Variants in LSAMP observed in about 807,000 individuals in gnomAD.
The protein encoded by LSAMP is limbic system associated membrane protein.
LSAMP carries 7 observed loss-of-function variants against 38.6 expected under a neutral mutation model. The observed-to-expected ratio is 0.18, with a 90% CI of 0.10 to 0.34. The LOEUF (loss-of-function observed/expected upper bound fraction) is 0.34. Ranked by LOEUF, LSAMP falls within the 10% of genes least tolerant of loss-of-function variation. The pLI, the probability that LSAMP is intolerant of heterozygous loss-of-function variation, is 1.00. For synonymous variants in LSAMP, 154 were observed against 166.8 expected, an observed-to-expected ratio of 0.92 and a Z score of 0.59; for missense variants, 313 against 420.0, an observed-to-expected ratio of 0.75 and a Z score of 2.23.
In LSAMP at chr3:116,286,585, C is replaced by T. The variant is rs185221037; in HGVS notation, c.155+158292G>A. Among the ~76,000 whole-genome samples the T allele has an allele frequency of 7.3e-4, 111 of 152,236 alleles. 1 individual carries two copies. The East Asian group carries it at 0.01, about 14-fold the overall frequency. On this transcript the variant is annotated intron_variant, in intron 1 of 6. Coordinates refer to ENST00000490035, the MANE Select transcript of LSAMP (RefSeq NM_002338.5). ...TTCTCTTCCTCTAACTCACCCTCCT[C>T]CAGCTTTTTATCCCTTTCATTTTTT...
chr3:116,320,345 G>A (rs1357249142), intron 1 of LSAMP, among the ~76,000 whole-genome samples: 1 of 152,066 alleles, frequency 6.6e-6, no homozygotes, highest in Non-Finnish European at 1.5e-5. Flanking sequence ...TCAAGGAGGC[G>A]TAGGTTGCAG....
intron 1 of LSAMP, among the ~76,000 whole-genome samples, chr3:116,198,538 GGCTGGCGGATCAC>G (rs2045941462): frequency 6.6e-6 from 1 of 152,080 alleles, no homozygotes; most frequent in Non-Finnish European, 1.5e-5. Context: ...GGGAGGCCGA[GGCTGGCGGATCAC>G]GAGGCCAGGA....
chr3:115,981,278 C>A (rs919151567), intron 3 of LSAMP, among the ~76,000 whole-genome samples: 1 of 152,114 alleles, frequency 6.6e-6, no homozygotes, highest in Non-Finnish European at 1.5e-5. Context: ...ACCCACTACA[C>A]CTTTATAGTA....
intron 1 of LSAMP, among the ~76,000 whole-genome samples, chr3:116,092,222 A>T (rs569733962): frequency 6.6e-6 from 1 of 152,366 alleles, no homozygotes; most frequent in Admixed American, 6.5e-5. Context: ...AAGATGGATA[A>T]CTATTTTAAT....
At chr3:115,926,978 T>G (rs960648152) in intron 3 of LSAMP, among the ~76,000 whole-genome samples, 3 of 152,212 alleles carry the variant, frequency 2.0e-5, no homozygotes, top group African/African-American at 7.2e-5. Context: ...CGCTGCATAT[T>G]CAGTGTTTAG....
intron 1 of LSAMP, among the ~76,000 whole-genome samples, chr3:116,264,480 G>A (rs1187507179): frequency 6.6e-6 from 1 of 152,134 alleles, no homozygotes; most frequent in Non-Finnish European, 1.5e-5. Flanking sequence ...CAGACTCTCT[G>A]AGAGGCTCAT....
chr3:116,006,591 C>T (rs1313478440), intron 3 of LSAMP, among the ~76,000 whole-genome samples: 2 of 152,156 alleles, frequency 1.3e-5, no homozygotes, highest in Non-Finnish European at 2.9e-5. Context: ...ATGTTTATCT[C>T]TGGTCTCTTC....
rs376271619 is a variant in LSAMP, at chr3:115,920,661, T to C, written c.515-68044A>G. ...CATGTGCACTTGAAAAGAATGTGTA[T>C]TCTGTTGCTGTTGGGTGGGGTATTC... On this transcript the variant is annotated intron_variant, in intron 3 of 6. Coordinates refer to ENST00000490035, the MANE Select transcript of LSAMP (RefSeq NM_002338.5). 1.6e-4 allele frequency among the ~76,000 whole-genome samples: 24 copies of C among 152,284 alleles called. No homozygotes were observed. The East Asian group carries it at 3.1e-3, about 20-fold the overall frequency.
At chr3:116,030,873 C>G (rs1259001370) in intron 2 of LSAMP, among the ~76,000 whole-genome samples, 1 of 152,062 alleles carries the variant, frequency 6.6e-6, no homozygotes, top group Admixed American at 6.6e-5. Flanking sequence ...TGGCATCTAC[C>G]AGAAATCCAC....
intron 2 of LSAMP, among the ~76,000 whole-genome samples, chr3:116,047,047 A>G (rs1013545980): frequency 4.6e-5 from 7 of 152,198 alleles, no homozygotes; most frequent in Non-Finnish European, 1.0e-4. Flanking sequence ...CCATGCTCAG[A>G]TACTTAACTG....
At chr3:116,401,931 G>T (rs1175123529) in intron 1 of LSAMP, among the ~76,000 whole-genome samples, 1 of 152,072 alleles carries the variant, frequency 6.6e-6, no homozygotes, top group Non-Finnish European at 1.5e-5. Context: ...TACACTAGTA[G>T]GTAGTATTGG....
intron 1 of LSAMP, among the ~76,000 whole-genome samples, chr3:116,431,159 G>T (rs2049275554): frequency 6.6e-6 from 1 of 151,614 alleles, no homozygotes; most frequent in South Asian, 2.1e-4. Context: ...GAGAGAGAAT[G>T]AGAGAGACCT....
At chr3:116,198,343 C>T (rs1282751215) in intron 1 of LSAMP, among the ~76,000 whole-genome samples, 1 of 152,060 alleles carries the variant, frequency 6.6e-6, no homozygotes, top group Non-Finnish European at 1.5e-5. Flanking sequence ...CCTCAAAATG[C>T]CTCCACAGTT....
At chr3:116,156,003 T>C (rs1389132910) in intron 1 of LSAMP, among the ~76,000 whole-genome samples, 1 of 152,162 alleles carries the variant, frequency 6.6e-6, no homozygotes, top group Non-Finnish European at 1.5e-5. Flanking sequence ...GGCAGGGCTC[T>C]GTAATGTGAT....
intron 1 of LSAMP, among the ~76,000 whole-genome samples, chr3:116,136,814 A>G (rs1195829970): frequency 6.6e-6 from 1 of 152,138 alleles, no homozygotes; most frequent in Non-Finnish European, 1.5e-5. Context: ...GGTACCAAGT[A>G]AGAATATCAT....
At chr3:115,890,183 C>T (rs781599657) in intron 3 of LSAMP, among the ~76,000 whole-genome samples, 21 of 152,042 alleles carry the variant, frequency 1.4e-4, no homozygotes, top group African/African-American at 3.1e-4. Flanking sequence ...AAAGCATCCA[C>T]GGCTCTATAT....
intron 1 of LSAMP, among the ~76,000 whole-genome samples, chr3:116,430,075 C>T (rs1322797841): frequency 1.3e-5 from 2 of 152,096 alleles, no homozygotes; most frequent in African/African-American, 4.8e-5. Flanking sequence ...CCTGATTAAT[C>T]TTATGCATGT....
intron 1 of LSAMP, among the ~76,000 whole-genome samples, chr3:116,329,486 A>G (rs2047820616): frequency 6.6e-6 from 1 of 152,210 alleles, no homozygotes; most frequent in African/African-American, 2.4e-5. Context: ...ACATTTTAAT[A>G]AACATGAACT....
At chr3:115,978,247 AG>A (rs1939249604) in intron 3 of LSAMP, among the ~76,000 whole-genome samples, 2 of 152,208 alleles carry the variant, frequency 1.3e-5, no homozygotes, top group African/African-American at 4.8e-5. Context: ...AAAAAAGAAA[AG>A]TAAAGGACAA....
Sources: gnomAD v4.1 joint callset for allele counts (sites outside exome capture counted in the v4.1 genomes callset) on GRCh38, gnomAD v4.1.1 for gene constraint, MANE v1.5 for transcripts, NCBI Gene and HGNC (gene_info 2026-07-23, HGNC 2026-07-21) for gene names.